Variants in CFHR3 observed in about 807,000 individuals in gnomAD.
CFHR3 encodes the protein complement factor H related 3.
In CFHR3, 22 loss-of-function variants were observed where a neutral mutation model predicts 36.0. The ratio of observed to expected loss-of-function variants is 0.61; its 90% CI spans 0.44 to 0.87. The LOEUF (loss-of-function observed/expected upper bound fraction) is 0.87. Ranked by LOEUF, CFHR3 falls within the 40% of genes least tolerant of loss-of-function variation. CFHR3 has a pLI of 0.00. For synonymous variants in CFHR3, 97 were observed against 137.4 expected, an observed-to-expected ratio of 0.71 and a Z score of 2.06; for missense variants, 276 against 401.3, an observed-to-expected ratio of 0.69 and a Z score of 2.67.
intron 5 of CFHR3, among the ~76,000 whole-genome samples, chr1:196,791,036 T>C (rs1654411571): frequency 7.3e-6 from 1 of 136,736 alleles, no homozygotes; most frequent in Non-Finnish European, 1.6e-5. Context: ...ACACATGAAA[T>C]TTTTCCTGAT....
rs1219933490 is a variant in CFHR3 at position 196,792,568 on chromosome 1, T to TA, written c.797-745dup. 6.1e-5 allele frequency among the ~76,000 whole-genome samples: 8 copies of TA among 130,494 alleles called. 3 individuals carry two copies. The highest frequency in any genetic ancestry group is 2.7e-4 in the African/African-American group (8 of 29,484). 85.6% of individuals were successfully genotyped at this position (130,494 alleles called of 152,430 possible). A position where few individuals can be genotyped will look rare whatever the true frequency, so the allele number is the denominator to read the frequency against. On this transcript the variant is annotated intron_variant, in intron 5 of 5. Coordinates refer to ENST00000367425, the MANE Select transcript of CFHR3 (RefSeq NM_021023.6). ...TAAATTTTTTTACAAAAGAATTTTA[T>TA]AAAAGAAAATCCATATGTGGAAGTA...
Position 196,782,595 on chromosome 1 carries a change from C to T in CFHR3, c.430+2622C>T, listed in dbSNP as rs1350156519. ...GAATGGGAGTTCACTCATGATTTGG[C>T]TCTCTGTTTGTCTGTTATTGGTGTA... is the stretch of plus-strand genomic sequence containing the variant. On this transcript the variant is annotated intron_variant, in intron 3 of 5. Transcript: ENST00000367425. Among the ~76,000 whole-genome samples, 6 of 136,818 alleles carry T rather than the reference C, an allele frequency of 4.4e-5. 2 individuals carry two copies. The South Asian group carries it at 7.6e-4, about 17-fold the overall frequency. 89.8% of individuals were successfully genotyped at this position (136,818 alleles called of 152,430 possible).
chr1:196,788,929 CAAGTA>C (rs1654316066), intron 4 of CFHR3: 3 of 1,385,462 alleles, frequency 2.2e-6, no homozygotes, highest in Non-Finnish European at 2.8e-6. Context: ...ACAGAGAAAA[CAAGTA>C]AAGGAAAAGG....
At chr1:196,791,317 A>C (rs1375982053) in intron 5 of CFHR3, among the ~76,000 whole-genome samples, 1 of 136,654 alleles carries the variant, frequency 7.3e-6, no homozygotes, top group Non-Finnish European at 1.5e-5. Flanking sequence ...CAACTCAAAA[A>C]ATATAAGCCA....
chr1:196,787,104 C>A (rs1001296776), intron 3 of CFHR3, among the ~76,000 whole-genome samples: 1 of 137,190 alleles, frequency 7.3e-6, no homozygotes, highest in Non-Finnish European at 1.5e-5. Flanking sequence ...ATTATAGAAA[C>A]CGCATAATAA....
rs779136296 is a variant in CFHR3 at position 196,793,487 on chromosome 1, A to T, written c.967A>T (p.Ile323Leu). The T allele has an allele frequency of 6.6e-7, 1 of 1,526,384 alleles. No homozygotes were observed. Among genetic ancestry groups the T allele is most frequent in the South Asian group, 1.2e-5 (1 of 80,458 alleles). 94.6% of individuals were successfully genotyped at this position (1,526,384 alleles called of 1,614,324 possible). A position where few individuals can be genotyped will look rare whatever the true frequency, so the allele number is the denominator to read the frequency against. Residue 323 changes from isoleucine to leucine, a missense_variant, in exon 6 of 6, where the codon ATA becomes TTA. Ile to Leu is a conservative substitution (Grantham distance 5). Transcript: ENST00000367425. ...ATTTCAAGCAGTGTGTCGGGAAGGGATAGTGGAATACCCCAGATGCGAATA... is the reference window on the plus strand; with the variant it reads ...ATTTCAAGCAGTGTGTCGGGAAGGGTTAGTGGAATACCCCAGATGCGAATA... ...LSFQAVCREG[I>L]VEYPRCE
chr1:196,777,727 C>A lies in CFHR3; in HGVS notation c.59-1435C>A, dbSNP rs1278756733. Among the ~76,000 whole-genome samples, 3 of 135,756 alleles carry A rather than the reference C, an allele frequency of 2.2e-5. 1 individual carries two copies. The highest frequency in any genetic ancestry group is 6.2e-5 in the African/African-American group (2 of 32,272). 89.1% of individuals were successfully genotyped at this position (135,756 alleles called of 152,430 possible). ...TTTTGGTCGAGCCGGGGGGCTCCTGCCTTAATCCCAGCACTTTCGGGGGCC... is the reference window on the plus strand; with the variant it reads ...TTTTGGTCGAGCCGGGGGGCTCCTGACTTAATCCCAGCACTTTCGGGGGCC... On this transcript the variant is annotated intron_variant, in intron 1 of 5. Transcript: ENST00000367425.
rs5779849 is a variant in CFHR3 at position 196,778,002 on chromosome 1, A to G, written c.59-1160A>G. 2.3e-5 allele frequency among the ~76,000 whole-genome samples: 3 copies of G among 130,490 alleles called. 1 individual carries two copies. Among genetic ancestry groups the G allele is most frequent in the African/African-American group, 3.3e-5 (1 of 30,388 alleles). The allele number at this position is 130,490 out of a possible 152,430, so 85.6% of individuals were successfully genotyped here. On this transcript the variant is annotated intron_variant, in intron 1 of 5. Transcript: ENST00000367425. Reference sequence around the variant, plus strand: ...ACTGTTAAAAAAAAAAAAAAAAAAAAGAAAAGAAAGAAAAATTAAAATGAT... The same window carrying G: ...ACTGTTAAAAAAAAAAAAAAAAAAAGGAAAAGAAAGAAAAATTAAAATGAT...
chr1:196,791,117 T>C (rs558497931), intron 5 of CFHR3, among the ~76,000 whole-genome samples: 2 of 136,968 alleles, frequency 1.5e-5, no homozygotes, highest in South Asian at 5.1e-4. Context: ...TTTATCAGTA[T>C]TCCTAGCAAG....
At chr1:196,793,106 A>G (rs1654475475) in intron 5 of CFHR3, among the ~76,000 whole-genome samples, 1 of 134,728 alleles carries the variant, frequency 7.4e-6, no homozygotes, top group East Asian at 2.0e-4. Flanking sequence ...TTATCACCTC[A>G]CCTGATGATC....
At position 196,788,345 on chromosome 1, in the gene CFHR3, C is replaced by G. The variant is rs201998349; in HGVS notation, c.560C>G (p.Ser187Ter). The change falls in exon 4 of 6, where the codon TCA (serine) becomes TGA (stop). Residue 187 changes from serine to a stop codon, truncating the protein, a stop_gained. Coordinates refer to ENST00000367425, the MANE Select transcript of CFHR3 (RefSeq NM_021023.6). LOFTEE classifies it high-confidence loss of function. ...PGYATADGNS[S>*]GSITCLQNGW... The stretch of plus-strand genomic sequence containing the variant: ...TATGCAACAGCAGATGGAAATTCTT[C>G]AGGATCAATTACATGTTTGCAAAAT... The G allele has an allele frequency of 2.0e-6, 3 of 1,529,376 alleles. 1 individual carries two copies. The highest frequency in any genetic ancestry group is 1.7e-5 in the African/African-American group (1 of 60,366). 94.7% of individuals were successfully genotyped at this position (1,529,376 alleles called of 1,614,324 possible).
intron 1 of CFHR3, among the ~76,000 whole-genome samples, chr1:196,778,744 T>C (rs1653829715): frequency 1.5e-5 from 2 of 136,840 alleles, no homozygotes; most frequent in South Asian, 5.1e-4. Flanking sequence ...GTTTCTCTTT[T>C]CCAAAAAACA....
rs1211645375 is a variant in CFHR3, at chr1:196,781,056, G to GT, written c.430+1084dup. ...TATGAGTGAGAACACGTGGTGTTTG[G>GT]TGTTTTGTCCTTGTGATAGTTTACT... On this transcript the variant is annotated intron_variant, in intron 3 of 5. Coordinates refer to ENST00000367425, the MANE Select transcript of CFHR3 (RefSeq NM_021023.6). Among the ~76,000 whole-genome samples, 36 of 125,958 alleles carry GT rather than the reference G, an allele frequency of 2.9e-4. 9 individuals carry two copies. Among genetic ancestry groups the GT allele is most frequent in the African/African-American group, 1.2e-3 (35 of 28,174 alleles). The allele number at this position is 125,958 out of a possible 152,430, so 82.6% of individuals were successfully genotyped here.
In CFHR3 at chr1:196,783,388, C is replaced by T. The variant is rs1360528692; in HGVS notation, c.430+3415C>T. Reference sequence around the variant, plus strand: ...GTTTCAGAAGGAATGGTACCAGTTGCTCCTTGTACCTCTGGTAGAATTCGG... The same window carrying T: ...GTTTCAGAAGGAATGGTACCAGTTGTTCCTTGTACCTCTGGTAGAATTCGG... On this transcript the variant is annotated intron_variant, in intron 3 of 5. Coordinates refer to ENST00000367425, the MANE Select transcript of CFHR3 (RefSeq NM_021023.6). Among the ~76,000 whole-genome samples, 17 of 132,918 alleles carry T rather than the reference C, an allele frequency of 1.3e-4. 2 individuals carry two copies. Among genetic ancestry groups the T allele is most frequent in the Admixed American group, 4.3e-4 (6 of 13,822 alleles). The allele number at this position is 132,918 out of a possible 152,430, so 87.2% of individuals were successfully genotyped here.
In CFHR3 at chr1:196,787,368, C is replaced by A. The variant is rs184844462; in HGVS notation, c.431-848C>A. Among the ~76,000 whole-genome samples the A allele has an allele frequency of 4.3e-3, 588 of 136,836 alleles. 87 individuals are homozygous for A. Among genetic ancestry groups the A allele is most frequent in the Middle Eastern group, 7.9e-3 (2 of 254 alleles). The allele number at this position is 136,836 out of a possible 152,430, so 89.8% of individuals were successfully genotyped here. On this transcript the variant is annotated intron_variant, in intron 3 of 5. Coordinates refer to ENST00000367425, the MANE Select transcript of CFHR3 (RefSeq NM_021023.6). ...TGGAGGAGATTAATAGGAAAGTAGG[C>A]AAGAATAGATCAGAAAACTCATGAT...
chr1:196,786,610 G>C lies in CFHR3; in HGVS notation c.431-1606G>C, dbSNP rs1654214257. Reference sequence around the variant, plus strand: ...CGTGGGCATAGGACCCTCTGAGCCAGGTGAGCGATATAATCTCCTGGTGTG... The same window carrying C: ...CGTGGGCATAGGACCCTCTGAGCCACGTGAGCGATATAATCTCCTGGTGTG... On this transcript the variant is annotated intron_variant, in intron 3 of 5. Transcript: ENST00000367425. Among the ~76,000 whole-genome samples, 2 of 136,480 alleles carry C rather than the reference G, an allele frequency of 1.5e-5. 1 individual carries two copies. Among genetic ancestry groups the C allele is most frequent in the Non-Finnish European group, 3.1e-5 (2 of 64,518 alleles). 89.5% of individuals were successfully genotyped at this position (136,480 alleles called of 152,430 possible).
chr1:196,783,394 G>T (rs1360822414), intron 3 of CFHR3, among the ~76,000 whole-genome samples: 1 of 132,630 alleles, frequency 7.5e-6, no homozygotes, highest in Non-Finnish European at 1.6e-5. Flanking sequence ...GTTGCTCCTT[G>T]TACCTCTGGT....
In CFHR3 at chr1:196,793,407, A is replaced by G. The variant is rs750142129; in HGVS notation, c.887A>G (p.Asp296Gly). The change falls in exon 6 of 6, where the codon GAT (aspartate) becomes GGT (glycine). Residue 296 changes from aspartate (D) to glycine (G), a missense_variant. This residue lies in a region of CFHR3 where 76 missense variants were observed against 79.8 expected (regional missense o/e 0.95). Transcript: ENST00000367425. ...SDRKYYAKTG[D>G]TIEFMCKLGY... ...AGAAAATATTATGCAAAAACAGGGGATACCATTGAATTTATGTGTAAATTG... is the reference window on the plus strand; with the variant it reads ...AGAAAATATTATGCAAAAACAGGGGGTACCATTGAATTTATGTGTAAATTG... 1 of 1,527,070 alleles carries G rather than the reference A, an allele frequency of 6.5e-7. No homozygotes were observed. Among genetic ancestry groups the G allele is most frequent in the South Asian group, 1.2e-5 (1 of 80,534 alleles). 94.6% of individuals were successfully genotyped at this position (1,527,070 alleles called of 1,614,324 possible). A position where few individuals can be genotyped will look rare whatever the true frequency, so the allele number is the denominator to read the frequency against.
chr1:196,779,013 C>G, intron 1 of CFHR3, 149 bp from the exon 2 acceptor site: 1 of 620,866 alleles, frequency 1.6e-6, no homozygotes, highest in Non-Finnish European at 2.7e-6. Context: ...ACAGATTATA[C>G]AGATGAGAGG....
Sources: gnomAD v4.1 joint callset for allele counts (sites outside exome capture counted in the v4.1 genomes callset) on GRCh38, gnomAD v4.1.1 for gene constraint, gnomAD v4.1.1 regional missense constraint, MANE v1.5 for transcripts, NCBI Gene and HGNC (gene_info 2026-07-23, HGNC 2026-07-21) for gene names.